The following AGMAT variants were observed in gnomAD, a reference collection of about 807,000 sequenced individuals.
The protein encoded by AGMAT is agmatinase (putative).
Under a neutral mutation model 29.3 loss-of-function variants are expected in AGMAT, and 37 were observed. That is an observed-to-expected ratio of 1.26 (90% CI 0.97 to 1.66). The LOEUF (loss-of-function observed/expected upper bound fraction) is 1.66, where lower values mean the gene tolerates loss of function less well. AGMAT is among the 40% of genes most tolerant of loss of function. The pLI, the probability that AGMAT is intolerant of heterozygous loss-of-function variation, is 0.00. For synonymous variants in AGMAT, 199 were observed against 200.8 expected (o/e 0.99, Z 0.08); for missense variants, 498 against 497.8 (o/e 1.00, Z 0.00).
At chr1:15,581,791 C>A (rs900210629) in intron 2 of AGMAT, among the ~76,000 whole-genome samples, 4 of 151,754 alleles carry the variant, frequency 2.6e-5, no homozygotes, top group African/African-American at 9.7e-5. Context: ...AGGAGAATCA[C>A]TTGGACCCAG....
chr1:15,579,945 C>T (rs1283236320), intron 3 of AGMAT, 149 bp downstream of exon 3: 2 of 747,972 alleles, frequency 2.7e-6, no homozygotes, highest in South Asian at 1.5e-5. Flanking sequence ...CTGACAGAGA[C>T]ACCTGGAGCT....
intron 2 of AGMAT, among the ~76,000 whole-genome samples, chr1:15,581,293 G>A (rs1040870592): frequency 1.2e-4 from 18 of 152,010 alleles, no homozygotes; most frequent in African/African-American, 4.4e-4. Context: ...AGGTTGCAGC[G>A]AGCCATGTCG....
chr1:15,580,460 C>A (rs1639097537), intron 2 of AGMAT, among the ~76,000 whole-genome samples: 1 of 151,760 alleles, frequency 6.6e-6, no homozygotes, highest in Admixed American at 6.6e-5. Flanking sequence ...TCGCCTTGGC[C>A]TCCCAAAGTG....
chr1:15,584,952 C>T lies in AGMAT; in HGVS notation c.16G>A (p.Ala6Thr). The T allele has an allele frequency of 7.4e-7, 1 of 1,355,052 alleles. No individual in the cohort carries two copies. Among genetic ancestry groups the T allele is most frequent in the Admixed American group, 3.9e-5 (1 of 25,522 alleles). The allele number at this position is 1,355,052 out of a possible 1,614,324, so 83.9% of individuals were successfully genotyped here. ...CCCGGGCCCCGGGCGCACCCGGACG[C>T]CAGCAGCCTCAGCATTGCCGCGCGC... is the stretch of plus-strand genomic sequence containing the variant. MLRLL[A>T]SGCARGPGPG... Residue 6 changes from alanine (A) to threonine (T), a missense_variant, in exon 1 of 7, where the codon GCG becomes ACG. Transcript: ENST00000375826.
At chr1:15,577,920 T>TAA in intron 4 of AGMAT, 56 bp from the exon 5 acceptor site, 1 of 1,556,270 alleles carries the variant, frequency 6.4e-7, no homozygotes, top group Non-Finnish European at 8.8e-7. Context: ...GCATTTCCTG[T>TAA]TTGCCAGCCC....
chr1:15,578,809 G>C, intron 4 of AGMAT, 50 bp downstream of exon 4: 1 of 1,593,026 alleles, frequency 6.3e-7, no homozygotes, highest in Non-Finnish European at 8.6e-7. Context: ...TGAGGCAACG[G>C]AGAGGAAGAC....
intron 1 of AGMAT, among the ~76,000 whole-genome samples, chr1:15,584,237 G>A (rs941981898): frequency 1.4e-4 from 21 of 152,358 alleles, no homozygotes; most frequent in Admixed American, 1.1e-3. Flanking sequence ...CCGTCTCCCG[G>A]GTTCAAGCGA....
intron 2 of AGMAT, among the ~76,000 whole-genome samples, chr1:15,581,045 G>A (rs527881291): frequency 1.3e-5 from 2 of 152,072 alleles, no homozygotes; most frequent in South Asian, 4.2e-4. Flanking sequence ...GGGCAACACA[G>A]CAAGACCACG....
intron 4 of AGMAT, 69 bp from the exon 5 acceptor site, chr1:15,577,933 T>TG (rs1639061882): frequency 2.0e-6 from 3 of 1,473,040 alleles, no homozygotes; most frequent in Non-Finnish European, 2.8e-6. Flanking sequence ...GCCAGCCCCA[T>TG]GCTCAGCTCT....
At chr1:15,578,396 GCAATTCTCCTGCCT>G (rs1639068272) in intron 4 of AGMAT, among the ~76,000 whole-genome samples, 1 of 151,972 alleles carries the variant, frequency 6.6e-6, no homozygotes, top group South Asian at 2.1e-4. Flanking sequence ...CCACGTTCAA[GCAATTCTCCTGCCT>G]CAGTCTCCCG....
intron 2 of AGMAT, among the ~76,000 whole-genome samples, chr1:15,582,521 G>A (rs1056534481): frequency 6.6e-6 from 1 of 152,040 alleles, no homozygotes; most frequent in African/African-American, 2.4e-5. Flanking sequence ...TCTCTAACTT[G>A]GCAAAAATGA....
At chr1:15,573,884 GCT>G (rs1345794898) in intron 6 of AGMAT, among the ~76,000 whole-genome samples, 160 bp from the exon 7 acceptor site, 2 of 152,158 alleles carry the variant, frequency 1.3e-5, no homozygotes, top group Non-Finnish European at 2.9e-5. Flanking sequence ...GCTTGCCCAG[GCT>G]CTCTGCCTCC....
At position 15,579,052 on chromosome 1, in the gene AGMAT, T is replaced by C; in HGVS notation, c.527A>G (p.His176Arg). ...CACGTGCAGCAGCCCCACTGGGCCA[T>C]GCCTGATGACAACAGGGCAGCTCAG... ...YPILQAMAKK[H>R]GPVGLLHVDA... is the part of the protein sequence containing the mutation. Residue 176 changes from histidine to arginine, a missense_variant and splice_region_variant, in exon 4 of 7, where the codon CAT (histidine) becomes CGT (arginine). Physicochemically the swap from His to Arg is conservative, Grantham distance 29. Transcript: ENST00000375826. 1 of 1,613,788 alleles carries C rather than the reference T, an allele frequency of 6.2e-7. No homozygotes were observed. Among genetic ancestry groups the C allele is most frequent in the Non-Finnish European group, 8.5e-7 (1 of 1,179,900 alleles).
chr1:15,578,616 C>T (rs972321974), intron 4 of AGMAT, among the ~76,000 whole-genome samples: 3 of 152,046 alleles, frequency 2.0e-5, no homozygotes, highest in African/African-American at 4.8e-5. Context: ...TCTAAGCCAG[C>T]ACCGTCCGAG....
intron 3 of AGMAT, among the ~76,000 whole-genome samples, chr1:15,579,866 G>C (rs1639088517): frequency 6.6e-6 from 1 of 152,160 alleles, no homozygotes; most frequent in Admixed American, 6.5e-5. Context: ...CACATACCAG[G>C]AGAGATCTAG....
In AGMAT at chr1:15,585,015, C is replaced by T. The variant is rs1639168738; in HGVS notation, c.-48G>A. ...ACCGACCAAACCGCCCGCGAGGCCG[C>T]CGCGATCTGGCTGGTCCCGAACGGC... On this transcript the variant is annotated 5_prime_UTR_variant, in exon 1 of 7. Coordinates refer to ENST00000375826, the MANE Select transcript of AGMAT (RefSeq NM_024758.5). The T allele has an allele frequency of 3.9e-6, 5 of 1,281,658 alleles. No individual in the cohort carries two copies. The highest frequency in any genetic ancestry group is 4.9e-6 in the Non-Finnish European group (5 of 1,017,766). The allele number at this position is 1,281,658 out of a possible 1,614,324, so 79.4% of individuals were successfully genotyped here. A position where few individuals can be genotyped will look rare whatever the true frequency, so the allele number is the denominator to read the frequency against.
rs11544523 is a variant in AGMAT, at chr1:15,577,823, C to T, written c.762G>A (p.Ser254=). 363,562 of 1,613,804 alleles carry T rather than the reference C, an allele frequency of 0.23. 43,925 individuals are homozygous for T. Among genetic ancestry groups the T allele is most frequent in the African/African-American group, 0.43 (32,220 of 74,912 alleles). Residue 254 remains serine, a synonymous_variant, in exon 5 of 7, where the codon TCG becomes TCA. Transcript: ENST00000375826. The part of the protein sequence containing the change: ...VVLAEDCWMK[S]LVPLMGEVRQ... ...TGACTTCCCCCATCAGAGGAACCAG[C>T]GACTTCATCCAGCAGTCTTCAGCCA...
chr1:15,573,168 A>C lies in AGMAT; in HGVS notation c.*483T>G, dbSNP rs987083570. On this transcript the variant is annotated 3_prime_UTR_variant, in exon 7 of 7. Transcript: ENST00000375826. Reference sequence around the variant, plus strand: ...CAGGTACTCAGGAGGCTGAGGCAGGAGAATCGATTGAACTCGGGAGGCGGA... The same window carrying C: ...CAGGTACTCAGGAGGCTGAGGCAGGCGAATCGATTGAACTCGGGAGGCGGA... 3 of 154,272 alleles carry C rather than the reference A, an allele frequency of 1.9e-5. No individual in the cohort carries two copies. Among genetic ancestry groups the C allele is most frequent in the Admixed American group, 6.4e-5 (1 of 15,506 alleles). 9.6% of individuals were successfully genotyped at this position (154,272 alleles called of 1,614,324 possible).
intron 1 of AGMAT, among the ~76,000 whole-genome samples, chr1:15,583,820 T>C (rs1440883326): frequency 6.6e-6 from 1 of 152,202 alleles, no homozygotes; most frequent in African/African-American, 2.4e-5. Flanking sequence ...TTAGGAGACA[T>C]TTAATAAGTG....
Sources: allele counts gnomAD v4.1 joint callset (sites outside exome capture counted in the v4.1 genomes callset), GRCh38; gene constraint gnomAD v4.1.1; transcripts MANE v1.5; gene names NCBI Gene and HGNC (gene_info 2026-07-23, HGNC 2026-07-21).